Variants in SYNDIG1L observed in about 807,000 individuals in gnomAD.
The protein encoded by SYNDIG1L is synapse differentiation inducing 1 like, also known as synapse differentiation-inducing gene protein 1-like.
Under a neutral mutation model 20.1 loss-of-function variants are expected in SYNDIG1L, and 13 were observed. That is an observed-to-expected ratio of 0.65 (90% confidence interval 0.42 to 1.03). The LOEUF (loss-of-function observed/expected upper bound fraction) is 1.03, where lower values mean the gene tolerates loss of function less well. Ranked by LOEUF, SYNDIG1L falls within the 50% of genes least tolerant of loss-of-function variation. The pLI is 0.00. For synonymous variants in SYNDIG1L, 128 were observed against 129.3 expected, an observed-to-expected ratio of 0.99 and a Z score of 0.07; for missense variants, 294 against 305.1, an observed-to-expected ratio of 0.96 and a Z score of 0.27.
the SYNDIG1L span, among the ~76,000 whole-genome samples, chr14:74,455,747 A>G: frequency 6.6e-6 from 1 of 152,016 alleles, no homozygotes; most frequent in Non-Finnish European, 1.5e-5. Flanking sequence ...CCTGGCTTCT[A>G]AGCCTTCCTG....
At chr14:74,443,005 T>A in the SYNDIG1L span, among the ~76,000 whole-genome samples, 4 of 152,136 alleles carry the variant, frequency 2.6e-5, no homozygotes, top group African/African-American at 9.7e-5. Context: ...TCAAGCTGAG[T>A]TGTATAACAG....
chr14:74,463,190 T>C, the SYNDIG1L span, among the ~76,000 whole-genome samples: 4 of 152,222 alleles, frequency 2.6e-5, no homozygotes, highest in African/African-American at 9.7e-5. Context: ...GTCCTTATCA[T>C]ATGTGGCTTC....
Position 74,407,870 on chromosome 14 carries a change from A to C in SYNDIG1L, c.537T>G (p.Ala179=), listed in dbSNP as rs747976927. The change falls in exon 3 of 4, where the codon GCT becomes GCG. Residue 179 remains alanine (A), a synonymous_variant. Coordinates refer to ENST00000331628, the MANE Select transcript of SYNDIG1L (RefSeq NM_001105579.2). The part of the protein sequence containing the change: ...MLCCFWPLGI[A]AFYFSQGTSK... ...TTACCCCCTGGGAGAAGTAGAAGGC[A>C]GCAATGCCCAGTGGCCAGAAGCAGC... 6.2e-7 allele frequency: 1 copy of C among 1,613,658 alleles called. No homozygotes were observed. Among genetic ancestry groups the C allele is most frequent in the Non-Finnish European group, 8.5e-7 (1 of 1,179,726 alleles).
upstream of SYNDIG1L, among the ~76,000 whole-genome samples, chr14:74,426,336 CCGGGG>C (rs1045828278): frequency 6.6e-6 from 1 of 152,070 alleles, no homozygotes; most frequent in Non-Finnish European, 1.5e-5. Flanking sequence ...GGACCCGGCT[CCGGGG>C]CGGGGCGGGG....
At chr14:74,414,364 C>T (rs749249888) in intron 1 of SYNDIG1L, among the ~76,000 whole-genome samples, 2 of 152,096 alleles carry the variant, frequency 1.3e-5, no homozygotes, top group Admixed American at 1.3e-4. Flanking sequence ...GGGTCTGGGT[C>T]CCACAATGGG....
At chr14:74,412,238 G>T (rs1350377696) in intron 1 of SYNDIG1L, among the ~76,000 whole-genome samples, 1 of 152,200 alleles carries the variant, frequency 6.6e-6, no homozygotes, top group African/African-American at 2.4e-5. Flanking sequence ...GCTCGTGGCT[G>T]GGCTCCTCTG....
chr14:74,450,868 G>C, the SYNDIG1L span, among the ~76,000 whole-genome samples: 92 of 152,164 alleles, frequency 6.0e-4, no homozygotes, highest in Middle Eastern at 3.4e-3. Context: ...GAAATGACAA[G>C]TAAACACATG....
At chr14:74,414,640 T>C (rs935367192) in intron 1 of SYNDIG1L, among the ~76,000 whole-genome samples, 3 of 152,106 alleles carry the variant, frequency 2.0e-5, no homozygotes, top group Non-Finnish European at 2.9e-5. Context: ...TTAGGAGGAG[T>C]TGATTTTTAA....
At chr14:74,450,928 A>G in the SYNDIG1L span, among the ~76,000 whole-genome samples, 1 of 152,192 alleles carries the variant, frequency 6.6e-6, no homozygotes, top group Non-Finnish European at 1.5e-5. Context: ...AATGTTACTG[A>G]AAGAAATTAA....
At position 74,409,398 on chromosome 14, in the gene SYNDIG1L, G is replaced by A. The variant is rs1300048334; in HGVS notation, c.347C>T (p.Thr116Ile). The part of the protein sequence containing the change: ...TGPGQAAENV[T>I]IQTVSYGVQE... Reference sequence around the variant, plus strand: ...TACCCCATAGGACACAGTCTGGATGGTGACATTCTCTGCAGCTTGGCCAGG... The same window carrying A: ...TACCCCATAGGACACAGTCTGGATGATGACATTCTCTGCAGCTTGGCCAGG... Residue 116 changes from threonine (T) to isoleucine (I), a missense_variant, in exon 2 of 4, where the codon ACC (threonine) becomes ATC (isoleucine). Transcript: ENST00000331628. 13 of 1,613,060 alleles carry A rather than the reference G, an allele frequency of 8.1e-6. No homozygotes were observed. The highest frequency in any genetic ancestry group is 1.1e-5 in the Non-Finnish European group (13 of 1,179,708).
At chr14:74,422,681 A>ACACACACAC (rs59680480) in intron 1 of SYNDIG1L, among the ~76,000 whole-genome samples, 1 of 146,160 alleles carries the variant, frequency 6.8e-6, no homozygotes, top group Non-Finnish European at 1.5e-5. Flanking sequence ...ACACACACAC[A>ACACACACAC]ATTTCTCTTT....
intron 1 of SYNDIG1L, among the ~76,000 whole-genome samples, chr14:74,417,656 G>A (rs1177057855): frequency 6.6e-6 from 1 of 152,148 alleles, no homozygotes; most frequent in African/African-American, 2.4e-5. Context: ...GACTGGATTT[G>A]ACCCAGGTTT....
intron 1 of SYNDIG1L, among the ~76,000 whole-genome samples, chr14:74,424,689 T>A (rs1566586217): frequency 1.3e-5 from 2 of 152,154 alleles, no homozygotes; most frequent in East Asian, 1.9e-4. Flanking sequence ...GACATGGCCA[T>A]GCTGGGAGAA....
intron 1 of SYNDIG1L, among the ~76,000 whole-genome samples, chr14:74,413,369 A>G (rs1595195392): frequency 6.6e-6 from 1 of 152,358 alleles, no homozygotes; most frequent in South Asian, 2.1e-4. Context: ...GCAATTGGGA[A>G]CAAGTTAAAT....
At chr14:74,440,527 A>G in the SYNDIG1L span, among the ~76,000 whole-genome samples, 1 of 150,766 alleles carries the variant, frequency 6.6e-6, no homozygotes, top group Non-Finnish European at 1.5e-5. Flanking sequence ...AAAAAAAAAA[A>G]AAAAAAAAAT....
upstream of SYNDIG1L, among the ~76,000 whole-genome samples, chr14:74,428,332 C>A (rs2086281181): frequency 2.0e-5 from 3 of 152,216 alleles, no homozygotes; most frequent in Non-Finnish European, 4.4e-5. Context: ...ACAGGGGTGG[C>A]TTAGGGACTG....
chr14:74,410,554 C>T (rs190636197), intron 1 of SYNDIG1L, among the ~76,000 whole-genome samples: 23 of 152,156 alleles, frequency 1.5e-4, no homozygotes, highest in Middle Eastern at 3.4e-3. Context: ...ACCGACTGAC[C>T]CCATTAGGGG....
chr14:74,468,220 C>G, the SYNDIG1L span, among the ~76,000 whole-genome samples: 1 of 152,112 alleles, frequency 6.6e-6, no homozygotes, highest in Admixed American at 6.5e-5. Flanking sequence ...AAAGAGCCAA[C>G]CCTTGACTTT....
intron 1 of SYNDIG1L, among the ~76,000 whole-genome samples, chr14:74,424,905 GT>G (rs1307712161): frequency 6.6e-6 from 1 of 152,152 alleles, no homozygotes; most frequent in African/African-American, 2.4e-5. Context: ...GGAGGATGAG[GT>G]TGAAAGAGCT....
Sources: allele counts gnomAD v4.1 joint callset (sites outside exome capture counted in the v4.1 genomes callset), GRCh38; gene constraint gnomAD v4.1.1; transcripts MANE v1.5; gene names NCBI Gene and HGNC (gene_info 2026-07-23, HGNC 2026-07-21).